The following NTSR1 variants were observed in gnomAD, a reference collection of about 807,000 sequenced individuals.
The protein encoded by NTSR1 is neurotensin receptor 1, also known as neurotensin receptor type 1.
NTSR1 carries 29 observed loss-of-function variants against 31.2 expected under a neutral mutation model. The observed-to-expected ratio is 0.93, with a 90% confidence interval of 0.69 to 1.27. The LOEUF is 1.27. Among genes scored for constraint, NTSR1 ranks in the 50% most tolerant of loss-of-function variants. The probability of loss-of-function intolerance (pLI) is 0.00; values close to 1 mark genes in which losing one functional copy is unlikely to be tolerated. For synonymous variants in NTSR1, 282 were observed against 269.9 expected (o/e 1.04, Z -0.44); for missense variants, 697 against 595.4 (o/e 1.17, Z -1.78).
chr20:62,747,606 G>A (rs1178144869), intron 1 of NTSR1, among the ~76,000 whole-genome samples: 3 of 152,208 alleles, frequency 2.0e-5, no homozygotes, highest in Admixed American at 2.0e-4. Flanking sequence ...GCAAAGCAAG[G>A]ATGCACTACT....
chr20:62,748,929 C>T (rs923958355), intron 1 of NTSR1, among the ~76,000 whole-genome samples: 1 of 152,192 alleles, frequency 6.6e-6, no homozygotes, highest in Non-Finnish European at 1.5e-5. Context: ...AGAGTCCCCC[C>T]AGCAAGAAGG....
At chr20:62,740,547 A>G (rs556402193) in intron 1 of NTSR1, among the ~76,000 whole-genome samples, 4 of 152,232 alleles carry the variant, frequency 2.6e-5, no homozygotes, top group South Asian at 4.2e-4. Context: ...GGCGGGAGGG[A>G]AAAGGGTTGT....
chr20:62,725,431 C>T (rs1472444831), intron 1 of NTSR1, among the ~76,000 whole-genome samples: 1 of 152,234 alleles, frequency 6.6e-6, no homozygotes, highest in African/African-American at 2.4e-5. Flanking sequence ...GGGCATTTGC[C>T]ACCCTCTGCC....
Position 62,758,422 on chromosome 20 carries a change from G to A in NTSR1, c.1007+66G>A. On this transcript the variant is annotated intron_variant, in intron 3 of 3. Coordinates refer to ENST00000370501, the MANE Select transcript of NTSR1 (RefSeq NM_002531.3). This position sits in a 1 kb window ranked among gnomAD's most constrained non-coding sequence, Gnocchi z 4.5. ...AGTGCTCCCAAAACAGATGGTGGGT[G>A]TGGCAGGCACTGCTGAGGGGATCCA... 1 of 1,445,474 alleles carries A rather than the reference G, an allele frequency of 6.9e-7. No individual in the cohort carries two copies. 89.5% of individuals were successfully genotyped at this position (1,445,474 alleles called of 1,614,324 possible).
intron 1 of NTSR1, among the ~76,000 whole-genome samples, chr20:62,751,502 G>T (rs897283078): frequency 6.6e-6 from 1 of 152,250 alleles, no homozygotes; most frequent in South Asian, 2.1e-4. Flanking sequence ...GGGGTGCCCC[G>T]CTTCACCGGT....
rs563177042 is a variant in NTSR1, at chr20:62,724,411, G to A, written c.714+14490G>A. 3.4e-5 allele frequency among the ~76,000 whole-genome samples: 5 copies of A among 145,180 alleles called. No homozygotes were observed. The Admixed American group carries it at 3.5e-4, about 10-fold the overall frequency. ...GGCGAACCTGCCACAGACTAGAAGC[G>A]GGTAATTGCAGGGCACTCAGACAAG... is the stretch of plus-strand genomic sequence containing the variant. On this transcript the variant is annotated intron_variant, in intron 1 of 3. Coordinates refer to ENST00000370501, the MANE Select transcript of NTSR1 (RefSeq NM_002531.3).
chr20:62,735,797 G>C (rs1053843084), intron 1 of NTSR1, among the ~76,000 whole-genome samples: 12 of 152,196 alleles, frequency 7.9e-5, no homozygotes, highest in African/African-American at 2.9e-4. Flanking sequence ...ACCAGGGACA[G>C]GGTCTTCCCC....
At chr20:62,735,659 C>T (rs983213781) in intron 1 of NTSR1, among the ~76,000 whole-genome samples, 1 of 152,252 alleles carries the variant, frequency 6.6e-6, no homozygotes, top group Non-Finnish European at 1.5e-5. Flanking sequence ...CTCCCCCATG[C>T]TCCCCTGGAG....
intron 1 of NTSR1, among the ~76,000 whole-genome samples, chr20:62,739,773 G>A (rs1989169256): frequency 6.6e-6 from 1 of 152,292 alleles, no homozygotes; most frequent in South Asian, 2.1e-4. Flanking sequence ...ATGCCCATAT[G>A]TCTGCATGGC....
chr20:62,726,153 C>T (rs772535285), intron 1 of NTSR1, among the ~76,000 whole-genome samples: 6 of 152,200 alleles, frequency 3.9e-5, no homozygotes, highest in Non-Finnish European at 5.9e-5. Context: ...CCTTCCGAAC[C>T]GGTCTCAACC....
chr20:62,745,220 C>CAG lies in NTSR1; in HGVS notation c.715-9455_715-9454dup, dbSNP rs907213730. ...ACCCAGACAGACAGCAACACAAAGA[C>CAG]AGAGAGAGAGACACAGAGAGGAAAG... On this transcript the variant is annotated intron_variant, in intron 1 of 3. Coordinates refer to ENST00000370501, the MANE Select transcript of NTSR1 (RefSeq NM_002531.3). This position sits in a 1 kb window ranked among gnomAD's most constrained non-coding sequence, Gnocchi z 4.1. 2.0e-5 allele frequency among the ~76,000 whole-genome samples: 3 copies of CAG among 152,148 alleles called. 1 individual carries two copies. The highest frequency in any genetic ancestry group is 4.2e-4 in the South Asian group (2 of 4,812).
At position 62,709,326 on chromosome 20, in the gene NTSR1, G is replaced by T; in HGVS notation, c.119G>T (p.Gly40Val). 6.2e-7 allele frequency: 1 copy of T among 1,608,048 alleles called. No homozygotes were observed. The highest frequency in any genetic ancestry group is 8.5e-7 in the Non-Finnish European group (1 of 1,178,220). Reference sequence around the variant, plus strand: ...GCCCCGGGCTTCGGCAACGCTTCGGGCAACGCGTCGGAGCGCGTCCTGGCG... The same window carrying T: ...GCCCCGGGCTTCGGCAACGCTTCGGTCAACGCGTCGGAGCGCGTCCTGGCG... ...LLAPGFGNAS[G>V]NASERVLAAP... The change falls in exon 1 of 4, where the codon GGC becomes GTC. Residue 40 changes from glycine to valine, a missense_variant. Coordinates refer to ENST00000370501, the MANE Select transcript of NTSR1 (RefSeq NM_002531.3).
intron 1 of NTSR1, among the ~76,000 whole-genome samples, chr20:62,710,813 G>A (rs902233713): frequency 3.9e-5 from 6 of 152,136 alleles, no homozygotes; most frequent in Non-Finnish European, 7.3e-5. Flanking sequence ...AGGGCCGGTC[G>A]GGAACTTTGA....
At chr20:62,723,427 G>A (rs190278292) in intron 1 of NTSR1, among the ~76,000 whole-genome samples, 14 of 152,310 alleles carry the variant, frequency 9.2e-5, no homozygotes, top group East Asian at 7.7e-4. Context: ...AGAGCCGTCC[G>A]GAATGTGCTG....
In NTSR1 at chr20:62,757,657, A is replaced by C. The variant is rs141801079; in HGVS notation, c.917-609A>C. ...GTAGTACTGACACCTTAACAATATT[A>C]AATCTTCCAATCCATGAACATGGGA... On this transcript the variant is annotated intron_variant, in intron 2 of 3. Transcript: ENST00000370501. 2.1e-3 allele frequency among the ~76,000 whole-genome samples: 315 copies of C among 152,332 alleles called. 7 individuals are homozygous for C. The South Asian group carries it at 0.024, about 11-fold the overall frequency.
At chr20:62,739,748 G>A (rs940172054) in intron 1 of NTSR1, among the ~76,000 whole-genome samples, 5 of 152,278 alleles carry the variant, frequency 3.3e-5, no homozygotes, top group African/African-American at 1.2e-4. Flanking sequence ...CGCTGGGAGG[G>A]GCAGGATGTG....
At chr20:62,752,164 G>A (rs531887088) in intron 1 of NTSR1, among the ~76,000 whole-genome samples, 2 of 152,340 alleles carry the variant, frequency 1.3e-5, no homozygotes, top group Admixed American at 6.5e-5. Flanking sequence ...GTCCAGGAAG[G>A]GGCCTGTCCT....
rs1010897757 is a variant in NTSR1 at position 62,715,048 on chromosome 20, A to G, written c.714+5127A>G. On this transcript the variant is annotated intron_variant, in intron 1 of 3. Coordinates refer to ENST00000370501, the MANE Select transcript of NTSR1 (RefSeq NM_002531.3). This position sits in a 1 kb window ranked among gnomAD's most constrained non-coding sequence, Gnocchi z 4.7. The stretch of plus-strand genomic sequence containing the variant: ...GCTGTGGGAGGGCTACAGAGGAGAC[A>G]AGATTGGTCTTAAGTCTGTAATCAT... Among the ~76,000 whole-genome samples, 14 of 152,220 alleles carry G rather than the reference A, an allele frequency of 9.2e-5. No homozygotes were observed. Among genetic ancestry groups the G allele is most frequent in the African/African-American group, 3.4e-4 (14 of 41,450 alleles).
intron 1 of NTSR1, among the ~76,000 whole-genome samples, chr20:62,738,234 G>T (rs1177649771): frequency 6.6e-6 from 1 of 152,144 alleles, no homozygotes; most frequent in Non-Finnish European, 1.5e-5. Flanking sequence ...GAGGGTGACG[G>T]AGGGTGCTAG....
Sources: gnomAD v4.1 joint callset for allele counts (sites outside exome capture counted in the v4.1 genomes callset) on GRCh38, gnomAD v4.1.1 for gene constraint, Gnocchi (gnomAD v3.1) non-coding constraint, MANE v1.5 for transcripts, NCBI Gene and HGNC (gene_info 2026-07-23, HGNC 2026-07-21) for gene names.